Variants in VRK2 observed in about 807,000 individuals in gnomAD.
VRK2 encodes serine/threonine-protein kinase VRK2.
In VRK2, 60 loss-of-function variants were observed where a neutral mutation model predicts 57.6. That is an observed-to-expected ratio of 1.04 (90% CI 0.85 to 1.29). The LOEUF is 1.29. Ranked by LOEUF, VRK2 falls within the 50% of genes most tolerant of loss-of-function variation. The pLI, the probability that VRK2 is intolerant of heterozygous loss-of-function variation, is 0.00. For missense variants in VRK2, 705 were observed against 588.1 expected (o/e 1.20, Z -2.06); for synonymous variants, 231 against 199.2 (o/e 1.16, Z -1.35).
At chr2:57,927,351 A>C (rs1205891595) in intron 1 of VRK2, among the ~76,000 whole-genome samples, 16 of 148,332 alleles carry the variant, frequency 1.1e-4, no homozygotes, top group Non-Finnish European at 2.1e-4. Context: ...ATCTCGACTC[A>C]CTGCAACCTT....
At chr2:58,120,175 TTTTC>T (rs1348198171) in intron 7 of VRK2, among the ~76,000 whole-genome samples, 9 of 138,446 alleles carry the variant, frequency 6.5e-5, no homozygotes, top group African/African-American at 2.4e-4. Context: ...GTCTATTTTT[TTTTC>T]TTTTCTTTTT....
At chr2:58,148,751 A>T (rs188296369) in intron 12 of VRK2, among the ~76,000 whole-genome samples, 7 of 151,724 alleles carry the variant, frequency 4.6e-5, no homozygotes, top group African/African-American at 1.7e-4. Flanking sequence ...TTGCACCATC[A>T]TTTATTGAAA....
intron 1 of VRK2, among the ~76,000 whole-genome samples, chr2:58,008,436 G>A (rs1673319805): frequency 6.6e-6 from 1 of 151,886 alleles, no homozygotes; most frequent in Admixed American, 6.6e-5. Flanking sequence ...AATAGCTACT[G>A]TTTATTTAAC....
intron 7 of VRK2, among the ~76,000 whole-genome samples, chr2:58,116,462 C>T (rs1440043535): frequency 6.6e-6 from 1 of 151,902 alleles, no homozygotes; most frequent in Non-Finnish European, 1.5e-5. Flanking sequence ...TAAGTTGGCA[C>T]CAGAGTTGGG....
chr2:58,033,123 T>C (rs1444571190), intron 2 of VRK2: 2 of 152,136 alleles, frequency 1.3e-5, no homozygotes, highest in Non-Finnish European at 2.9e-5. Context: ...TATCTCTATG[T>C]TTGCTTTTAT....
intron 3 of VRK2, among the ~76,000 whole-genome samples, chr2:58,035,532 C>G (rs17049316): frequency 0.088 from 13,340 of 151,970 alleles, 630 homozygotes; most frequent in East Asian, 0.11. Context: ...ACTCGAGTAA[C>G]ATTTGCATTT....
chr2:58,086,538 A>G (rs1671649445), intron 5 of VRK2, 112 bp downstream of exon 5: 1 of 872,294 alleles, frequency 1.1e-6, no homozygotes, highest in Admixed American at 2.9e-5. Flanking sequence ...ATATAACCAC[A>G]AACTTGTATT....
chr2:57,991,523 T>G (rs1572750811), intron 1 of VRK2, among the ~76,000 whole-genome samples: 1 of 152,308 alleles, frequency 6.6e-6, no homozygotes, highest in Middle Eastern at 3.4e-3. Flanking sequence ...TTACTCACCC[T>G]GTAGCATTTA....
intron 2 of VRK2, among the ~76,000 whole-genome samples, chr2:58,031,967 C>A (rs905879254): frequency 6.6e-5 from 10 of 152,094 alleles, no homozygotes; most frequent in Non-Finnish European, 1.3e-4. Context: ...CTTACAATGA[C>A]CTTTCACCCT....
intron 7 of VRK2, among the ~76,000 whole-genome samples, chr2:58,094,277 T>C (rs898008610): frequency 6.6e-6 from 1 of 152,230 alleles, no homozygotes. Context: ...TCTGATGATA[T>C]TGATTCTTCC....
chr2:57,943,897 T>C (rs1298261714), intron 1 of VRK2, among the ~76,000 whole-genome samples: 1 of 152,208 alleles, frequency 6.6e-6, no homozygotes, highest in Admixed American at 6.5e-5. Context: ...ATATGGTGTC[T>C]GTTGCAACAA....
chr2:57,985,781 G>C (rs1672575646), intron 1 of VRK2, among the ~76,000 whole-genome samples: 1 of 151,916 alleles, frequency 6.6e-6, no homozygotes. Flanking sequence ...CACTATTTAT[G>C]AACAATAGGA....
intron 1 of VRK2, among the ~76,000 whole-genome samples, chr2:58,000,463 C>T (rs1403713476): frequency 6.6e-6 from 1 of 152,132 alleles, no homozygotes; most frequent in Non-Finnish European, 1.5e-5. Context: ...TTCATTTTTT[C>T]TTCAGTTATA....
At chr2:57,910,121 A>C (rs1431051200) in intron 1 of VRK2, among the ~76,000 whole-genome samples, 1 of 152,068 alleles carries the variant, frequency 6.6e-6, no homozygotes, top group Admixed American at 6.5e-5. Context: ...GGAAAAAAAA[A>C]AAAAACATTC....
chr2:58,100,760 C>G (rs1673839199), intron 7 of VRK2, among the ~76,000 whole-genome samples: 1 of 151,488 alleles, frequency 6.6e-6, no homozygotes, highest in East Asian at 1.9e-4. Flanking sequence ...TGGATCAGTT[C>G]TATAAACTGT....
chr2:58,110,550 A>G (rs1311111320), intron 7 of VRK2, among the ~76,000 whole-genome samples: 1 of 152,200 alleles, frequency 6.6e-6, no homozygotes, highest in Non-Finnish European at 1.5e-5. Context: ...TTGTATTATT[A>G]TACAGTACTT....
chr2:58,019,027 A>C (rs570086011), intron 1 of VRK2, among the ~76,000 whole-genome samples: 21 of 152,296 alleles, frequency 1.4e-4, no homozygotes, highest in African/African-American at 5.1e-4. Context: ...CTTTTTATAC[A>C]ATATTTTAGA....
chr2:57,947,385 T>C (rs1276456605), intron 1 of VRK2, among the ~76,000 whole-genome samples: 1 of 152,314 alleles, frequency 6.6e-6, no homozygotes, highest in South Asian at 2.1e-4. Context: ...TCAAACACAA[T>C]GTGTATATAA....
Position 58,036,554 on chromosome 2 carries a change from G to A in VRK2, c.-6+3001G>A, listed in dbSNP as rs72949155. On this transcript the variant is annotated intron_variant, in intron 3 of 15. Transcript: ENST00000417641. Reference sequence around the variant, plus strand: ...GAGATAACCCAATGTAATCAGTATCGAGATGGTATATGCCTTCCACAACTT... The same window carrying A: ...GAGATAACCCAATGTAATCAGTATCAAGATGGTATATGCCTTCCACAACTT... 3.1e-3 allele frequency among the ~76,000 whole-genome samples: 464 copies of A among 151,986 alleles called. 4 individuals carry two copies. Among genetic ancestry groups the A allele is most frequent in the African/African-American group, 0.011 (450 of 41,490 alleles).
Sources: gnomAD v4.1 joint callset for allele counts (sites outside exome capture counted in the v4.1 genomes callset) on GRCh38, gnomAD v4.1.1 for gene constraint, MANE v1.5 for transcripts, NCBI Gene and HGNC (gene_info 2026-07-23, HGNC 2026-07-21) for gene names.